BCAR3: variants seen among roughly 807,000 people sequenced by gnomAD.
The protein encoded by BCAR3 is BCAR3 adaptor protein, NSP family member, also known as breast cancer anti-estrogen resistance protein 3.
A neutral mutation model predicts 80.1 loss-of-function variants in BCAR3; 37 were observed. That is an observed-to-expected ratio of 0.46 (90% confidence interval 0.36 to 0.61). BCAR3 has a LOEUF of 0.61. BCAR3 is among the 20% of genes least tolerant of loss of function. The probability of loss-of-function intolerance (pLI) is 0.00; values close to 1 mark genes in which losing one functional copy is unlikely to be tolerated. For synonymous variants in BCAR3, 389 were observed against 418.9 expected, an observed-to-expected ratio of 0.93 and a Z score of 0.87; for missense variants, 978 against 1,068.2, an observed-to-expected ratio of 0.92 and a Z score of 1.18.
At chr1:93,593,546 A>C (rs972519149) in intron 3 of BCAR3, among the ~76,000 whole-genome samples, 1 of 150,580 alleles carries the variant, frequency 6.6e-6, no homozygotes, top group East Asian at 2.0e-4. Context: ...TAATTTTTGT[A>C]ATTTTTTTTT....
chr1:93,661,558 G>A (rs974686338), intron 2 of BCAR3, among the ~76,000 whole-genome samples: 12 of 150,668 alleles, frequency 8.0e-5, no homozygotes, highest in Non-Finnish European at 1.5e-4. Flanking sequence ...TGCAATCTCC[G>A]CTCACTGCAA....
At chr1:93,600,458 A>G (rs376557442) in intron 3 of BCAR3, among the ~76,000 whole-genome samples, 4 of 152,312 alleles carry the variant, frequency 2.6e-5, no homozygotes, top group African/African-American at 9.6e-5. Context: ...AGTGGGTTCC[A>G]AGAGTCAGCA....
chr1:93,604,095 G>T (rs1283742579), intron 3 of BCAR3, among the ~76,000 whole-genome samples: 1 of 152,142 alleles, frequency 6.6e-6, no homozygotes, highest in Non-Finnish European at 1.5e-5. Flanking sequence ...TTTCCATTTT[G>T]TAGTTAGATC....
At chr1:93,841,012 A>G (rs1031562448) in intron 2 of BCAR3, among the ~76,000 whole-genome samples, 2 of 152,176 alleles carry the variant, frequency 1.3e-5, no homozygotes, top group Admixed American at 6.5e-5. Flanking sequence ...CTGGGAGAAG[A>G]GATAGAAAAC....
chr1:93,746,573 A>G (rs1214620851), intron 2 of BCAR3, among the ~76,000 whole-genome samples: 1 of 152,196 alleles, frequency 6.6e-6, no homozygotes, highest in African/African-American at 2.4e-5. Context: ...GCCTGCGGGC[A>G]TCCTCGGTGA....
At chr1:93,743,667 G>T (rs1464383347) in intron 2 of BCAR3, among the ~76,000 whole-genome samples, 1 of 152,184 alleles carries the variant, frequency 6.6e-6, no homozygotes. Flanking sequence ...GAAAAATGTT[G>T]TAGGGACTTT....
chr1:93,606,221 A>G (rs1221981314), intron 3 of BCAR3, among the ~76,000 whole-genome samples: 2 of 152,250 alleles, frequency 1.3e-5, no homozygotes, highest in Non-Finnish European at 2.9e-5. Flanking sequence ...AAAAAATGCA[A>G]ACAGCAAACA....
At chr1:93,567,954 A>C in intron 9 of BCAR3, 103 bp from the exon 10 acceptor site, 1 of 860,388 alleles carries the variant, frequency 1.2e-6, no homozygotes, top group East Asian at 2.6e-5. Flanking sequence ...TGGGAGGCTG[A>C]GGCGGGTGGA....
At chr1:93,562,527 T>C in intron 11 of BCAR3, 108 bp from the exon 12 acceptor site, 1 of 967,314 alleles carries the variant, frequency 1.0e-6, no homozygotes, top group Non-Finnish European at 1.5e-6. Context: ...CCCAGCACTT[T>C]GGGAGGCCGA....
At chr1:93,646,823 TAAGTA>T (rs1028017836) in intron 2 of BCAR3, among the ~76,000 whole-genome samples, 5 of 152,270 alleles carry the variant, frequency 3.3e-5, no homozygotes, top group South Asian at 2.1e-4. Flanking sequence ...TTTTATTACT[TAAGTA>T]AATACCTGAA....
intron 2 of BCAR3, among the ~76,000 whole-genome samples, chr1:93,809,358 A>G (rs1247787769): frequency 3.3e-5 from 5 of 152,050 alleles, no homozygotes; most frequent in African/African-American, 1.2e-4. Context: ...AAACAAAACA[A>G]AAATGCTTAA....
At chr1:93,668,956 C>T (rs561578809) in intron 2 of BCAR3, among the ~76,000 whole-genome samples, 1 of 152,296 alleles carries the variant, frequency 6.6e-6, no homozygotes, top group East Asian at 1.9e-4. Context: ...AGGTGATCCA[C>T]CTGCCTCAGC....
At chr1:93,658,352 G>T (rs1202310939) in intron 2 of BCAR3, among the ~76,000 whole-genome samples, 1 of 152,134 alleles carries the variant, frequency 6.6e-6, no homozygotes, top group Non-Finnish European at 1.5e-5. Context: ...TGGTTGTAAT[G>T]ATTCAAAACA....
At chr1:93,717,997 G>C (rs1650248718) in intron 2 of BCAR3, among the ~76,000 whole-genome samples, 1 of 152,184 alleles carries the variant, frequency 6.6e-6, no homozygotes, top group Non-Finnish European at 1.5e-5. Context: ...AGACAGGGAA[G>C]CCTAAAGTTC....
intron 8 of BCAR3, among the ~76,000 whole-genome samples, chr1:93,575,407 G>A (rs1163089014): frequency 6.6e-6 from 1 of 152,214 alleles, no homozygotes; most frequent in Non-Finnish European, 1.5e-5. Context: ...CATTGTTGGT[G>A]TCTTTCTAAT....
chr1:93,824,260 T>C lies in BCAR3; in HGVS notation c.-63+21307A>G, dbSNP rs577767840. ...CATTGTAAACTGTTCCTGCAAGCACTGTTTAAGACTCCTAAAGAACAAAAC... is the reference window on the plus strand; with the variant it reads ...CATTGTAAACTGTTCCTGCAAGCACCGTTTAAGACTCCTAAAGAACAAAAC... On this transcript the variant is annotated intron_variant, in intron 2 of 13. Coordinates refer to the BCAR3 transcript ENST00000370244. 6.7e-5 allele frequency among the ~76,000 whole-genome samples: 9 copies of C among 133,992 alleles called. 1 individual carries two copies. Among genetic ancestry groups the C allele is most frequent in the African/African-American group, 2.0e-4 (8 of 39,926 alleles). The allele number at this position is 133,992 out of a possible 152,430, so 87.9% of individuals were successfully genotyped here.
chr1:93,723,240 A>G (rs1425780329), intron 2 of BCAR3: 1 of 152,176 alleles, frequency 6.6e-6, no homozygotes, highest in African/African-American at 2.4e-5. Context: ...TGAAATAGAA[A>G]CACACACTCC....
chr1:93,747,966 A>G (rs1178233379), intron 2 of BCAR3, among the ~76,000 whole-genome samples: 3 of 151,756 alleles, frequency 2.0e-5, no homozygotes, highest in Non-Finnish European at 4.4e-5. Flanking sequence ...TCTGGTCCCA[A>G]CTGAGAACCA....
chr1:93,683,390 T>C (rs1648868202), upstream of BCAR3, among the ~76,000 whole-genome samples: 1 of 152,238 alleles, frequency 6.6e-6, no homozygotes, highest in South Asian at 2.1e-4. Flanking sequence ...AAAACCTGCT[T>C]GGCATTATCT....
Sources: allele counts gnomAD v4.1 joint callset (sites outside exome capture counted in the v4.1 genomes callset), GRCh38; gene constraint gnomAD v4.1.1; transcripts MANE v1.5; gene names NCBI Gene and HGNC (gene_info 2026-07-23, HGNC 2026-07-21).